KCNIP4: variants seen among roughly 807,000 people sequenced by gnomAD.
The protein encoded by KCNIP4 is Kv channel-interacting protein 4.
A neutral mutation model predicts 34.0 loss-of-function variants in KCNIP4; 12 were observed. That is an observed-to-expected ratio of 0.35 (90% confidence interval 0.23 to 0.57). The LOEUF (loss-of-function observed/expected upper bound fraction) is 0.57. KCNIP4 is among the 20% of genes least tolerant of loss of function. The pLI is 0.83. For missense variants in KCNIP4, 238 were observed against 311.7 expected (o/e 0.76, Z 1.78); for synonymous variants, 124 against 102.2 (o/e 1.21, Z -1.29).
At chr4:21,025,818 G>A (rs1740513398) in intron 1 of KCNIP4, among the ~76,000 whole-genome samples, 1 of 152,046 alleles carries the variant, frequency 6.6e-6, no homozygotes, top group Non-Finnish European at 1.5e-5. Context: ...CCTCCCTAAA[G>A]TGCTGGGATT....
At chr4:21,191,214 TGA>T (rs1442455528) in intron 1 of KCNIP4, among the ~76,000 whole-genome samples, 2 of 152,328 alleles carry the variant, frequency 1.3e-5, no homozygotes, top group South Asian at 2.1e-4. Context: ...TCCAGCATTC[TGA>T]GTCACCTTTT....
intron 1 of KCNIP4, among the ~76,000 whole-genome samples, chr4:21,634,513 C>A (rs553169286): frequency 7.9e-5 from 12 of 152,066 alleles, no homozygotes; most frequent in South Asian, 6.2e-4. Flanking sequence ...ACTGTGCAAA[C>A]CTAGGGAAGG....
At chr4:21,370,363 T>G (rs917578264) in intron 1 of KCNIP4, among the ~76,000 whole-genome samples, 1 of 146,836 alleles carries the variant, frequency 6.8e-6, no homozygotes, top group Non-Finnish European at 1.5e-5. Flanking sequence ...GGATCTTTCC[T>G]AGGTACTGAA....
chr4:21,893,399 G>T (rs1447361267), intron 1 of KCNIP4, among the ~76,000 whole-genome samples: 2 of 152,104 alleles, frequency 1.3e-5, no homozygotes, highest in Non-Finnish European at 2.9e-5. Flanking sequence ...GTTTTTAATA[G>T]TATGTTGTTC....
At chr4:21,293,851 T>C (rs1763684547) in intron 1 of KCNIP4, among the ~76,000 whole-genome samples, 2 of 152,154 alleles carry the variant, frequency 1.3e-5, no homozygotes, top group South Asian at 4.1e-4. Context: ...TGAAAGTCTC[T>C]GTAGCTTAAT....
intron 1 of KCNIP4, among the ~76,000 whole-genome samples, chr4:21,173,868 T>G (rs1039724803): frequency 1.1e-4 from 16 of 152,212 alleles, no homozygotes; most frequent in African/African-American, 3.1e-4. Context: ...TGGTTTCTCA[T>G]AGAATACTTC....
At chr4:21,570,116 C>T (rs1740251006) in intron 1 of KCNIP4, among the ~76,000 whole-genome samples, 1 of 152,136 alleles carries the variant, frequency 6.6e-6, no homozygotes, top group African/African-American at 2.4e-5. Context: ...CAACTTCCAC[C>T]TCCTGTCCAC....
At chr4:21,609,486 C>A (rs769166375) in intron 1 of KCNIP4, among the ~76,000 whole-genome samples, 3 of 152,150 alleles carry the variant, frequency 2.0e-5, no homozygotes, top group Non-Finnish European at 4.4e-5. Flanking sequence ...GCCTGTATGT[C>A]TATTTTTAAT....
chr4:21,254,623 G>C (rs1760936710), intron 1 of KCNIP4, among the ~76,000 whole-genome samples: 1 of 151,858 alleles, frequency 6.6e-6, no homozygotes, highest in African/African-American at 2.4e-5. Context: ...ATCATTTTTT[G>C]AGCTTTATTC....
At chr4:21,909,757 G>A (rs1254701038) in intron 1 of KCNIP4, among the ~76,000 whole-genome samples, 5 of 151,986 alleles carry the variant, frequency 3.3e-5, no homozygotes, top group Non-Finnish European at 4.4e-5. Context: ...GGATGGGGAG[G>A]CCTCACAATC....
At chr4:21,204,028 G>A (rs1341582174) in intron 1 of KCNIP4, among the ~76,000 whole-genome samples, 1 of 152,190 alleles carries the variant, frequency 6.6e-6, no homozygotes, top group Non-Finnish European at 1.5e-5. Flanking sequence ...TCATCGCTGG[G>A]TTGGTTTCCA....
intron 2 of KCNIP4, among the ~76,000 whole-genome samples, chr4:20,879,596 T>C (rs538427223): frequency 3.3e-5 from 5 of 152,216 alleles, no homozygotes; most frequent in East Asian, 1.9e-4. Context: ...ATGCAGAAAA[T>C]CTTTGTCATA....
chr4:21,656,314 G>A (rs1380582098), intron 1 of KCNIP4, among the ~76,000 whole-genome samples: 1 of 151,960 alleles, frequency 6.6e-6, no homozygotes, highest in East Asian at 1.9e-4. Flanking sequence ...TTGGATTAAG[G>A]GCCCATATTT....
At chr4:21,224,078 G>A (rs1439930015) in intron 1 of KCNIP4, among the ~76,000 whole-genome samples, 1 of 152,078 alleles carries the variant, frequency 6.6e-6, no homozygotes, top group Non-Finnish European at 1.5e-5. Flanking sequence ...TCTCTGCCTT[G>A]CTTTTCAGTT....
chr4:21,151,756 G>C (rs930716117), intron 1 of KCNIP4, among the ~76,000 whole-genome samples: 1 of 152,134 alleles, frequency 6.6e-6, no homozygotes, highest in African/African-American at 2.4e-5. Context: ...CTTCCTTGCT[G>C]TGAATGAACT....
intron 1 of KCNIP4, chr4:21,849,793 A>T (rs1398362887): frequency 6.6e-6 from 1 of 152,076 alleles, no homozygotes; most frequent in African/African-American, 2.4e-5. Context: ...GTAATTCCCA[A>T]GTTGATAATA....
At chr4:21,908,940 T>A (rs957089885) in intron 1 of KCNIP4, among the ~76,000 whole-genome samples, 9 of 152,136 alleles carry the variant, frequency 5.9e-5, no homozygotes, top group Admixed American at 6.6e-5. Context: ...TGAGTTTGTG[T>A]GTTATGGGAT....
intron 3 of KCNIP4, among the ~76,000 whole-genome samples, chr4:20,838,199 G>A (rs1350954782): frequency 5.9e-5 from 9 of 152,110 alleles, no homozygotes; most frequent in Non-Finnish European, 1.3e-4. Flanking sequence ...CTGATGTACA[G>A]TGCTAAAGGA....
chr4:21,630,017 AT>A (rs34714303), intron 1 of KCNIP4, among the ~76,000 whole-genome samples: 14,716 of 120,146 alleles, frequency 0.12, 735 homozygotes, highest in Non-Finnish European at 0.14. Flanking sequence ...CAGCTGGCTA[AT>A]TTTTTTTTTT....
Sources: allele counts gnomAD v4.1 joint callset (sites outside exome capture counted in the v4.1 genomes callset), GRCh38; gene constraint gnomAD v4.1.1; transcripts MANE v1.5; gene names NCBI Gene and HGNC (gene_info 2026-07-23, HGNC 2026-07-21).